The following GRM8 variants were observed in gnomAD, a reference collection of about 807,000 sequenced individuals.
The protein encoded by GRM8 is metabotropic glutamate receptor 8.
Under a neutral mutation model 87.2 loss-of-function variants are expected in GRM8, and 47 were observed. The observed-to-expected ratio is 0.54, with a 90% CI of 0.43 to 0.69. The LOEUF (loss-of-function observed/expected upper bound fraction) is 0.69. GRM8 is among the 30% of genes least tolerant of loss of function. GRM8 has a pLI of 0.00. For synonymous variants in GRM8, 396 were observed against 404.5 expected, an observed-to-expected ratio of 0.98 and a Z score of 0.25; for missense variants, 1,019 against 1,139.2, an observed-to-expected ratio of 0.89 and a Z score of 1.52.
chr7:126,619,087 C>T (rs146554874), intron 7 of GRM8, among the ~76,000 whole-genome samples: 21 of 152,216 alleles, frequency 1.4e-4, no homozygotes, highest in Admixed American at 2.6e-4. Flanking sequence ...ATGTTTATTG[C>T]GGCACTATTC....
intron 2 of GRM8, among the ~76,000 whole-genome samples, chr7:127,162,755 A>G (rs1793197409): frequency 6.6e-6 from 1 of 152,206 alleles, no homozygotes; most frequent in African/African-American, 2.4e-5. Flanking sequence ...TAATTGGAAC[A>G]CAGCAAAGCG....
At chr7:126,599,035 G>C (rs1018852651) in intron 8 of GRM8, among the ~76,000 whole-genome samples, 1 of 152,104 alleles carries the variant, frequency 6.6e-6, no homozygotes, top group Non-Finnish European at 1.5e-5. Flanking sequence ...TGAAGTCCTT[G>C]TGTAAGCAGA....
chr7:127,213,400 T>C (rs1796338936), intron 2 of GRM8, among the ~76,000 whole-genome samples: 1 of 152,202 alleles, frequency 6.6e-6, no homozygotes. Context: ...AATACCTCAA[T>C]AATTTTCATA....
chr7:127,061,673 A>G (rs571231628), intron 3 of GRM8, among the ~76,000 whole-genome samples: 25 of 151,960 alleles, frequency 1.6e-4, no homozygotes, highest in African/African-American at 5.8e-4. Flanking sequence ...ATCTTCCTCT[A>G]CCATCTGGGG....
intron 6 of GRM8, among the ~76,000 whole-genome samples, chr7:126,814,592 A>C (rs1335194829): frequency 2.0e-5 from 3 of 152,042 alleles, no homozygotes; most frequent in Admixed American, 2.0e-4. Flanking sequence ...CAATACATCC[A>C]ACCTAAAACC....
intron 3 of GRM8, among the ~76,000 whole-genome samples, chr7:126,907,672 A>G (rs560604021): frequency 1.3e-5 from 2 of 152,242 alleles, no homozygotes; most frequent in African/African-American, 4.8e-5. Context: ...AAATGTTTCT[A>G]TTTCTTCGAT....
At chr7:126,835,442 G>A (rs1274702384) in intron 6 of GRM8, among the ~76,000 whole-genome samples, 1 of 152,058 alleles carries the variant, frequency 6.6e-6, no homozygotes, top group Non-Finnish European at 1.5e-5. Flanking sequence ...GTAAAGATGG[G>A]ACTCAGGAAA....
chr7:126,859,329 C>T (rs1797959249), intron 6 of GRM8, among the ~76,000 whole-genome samples: 1 of 152,138 alleles, frequency 6.6e-6, no homozygotes, highest in Admixed American at 6.6e-5. Flanking sequence ...ATGTCAGAAG[C>T]CCTTTATCAC....
At chr7:126,673,067 G>T (rs1237192434) in intron 7 of GRM8, among the ~76,000 whole-genome samples, 2 of 152,176 alleles carry the variant, frequency 1.3e-5, no homozygotes, top group Non-Finnish European at 2.9e-5. Context: ...GCCCACTGCG[G>T]TGGAGCCATG....
At chr7:126,453,598 C>T (rs1377118887) in intron 9 of GRM8, among the ~76,000 whole-genome samples, 3 of 151,690 alleles carry the variant, frequency 2.0e-5, no homozygotes, top group South Asian at 2.1e-4. Flanking sequence ...GAAAGAACCA[C>T]GTAAGGAAGC....
At chr7:126,828,827 TTG>T (rs1380206592) in intron 6 of GRM8, among the ~76,000 whole-genome samples, 1 of 152,208 alleles carries the variant, frequency 6.6e-6, no homozygotes, top group Non-Finnish European at 1.5e-5. Flanking sequence ...GTGCTTTCTC[TTG>T]TGGGCATTTA....
At chr7:126,883,292 CAACTGGTAGAAGAAGAAGAAAT>C (rs1800189380) in intron 6 of GRM8, among the ~76,000 whole-genome samples, 1 of 152,124 alleles carries the variant, frequency 6.6e-6, no homozygotes, top group South Asian at 2.1e-4. Flanking sequence ...TTTAACTATG[CAACTGGTAGAAGAAGAAGAAAT>C]AGGCCTTCTT....
At chr7:126,932,323 T>C (rs563486775) in intron 3 of GRM8, among the ~76,000 whole-genome samples, 1 of 152,284 alleles carries the variant, frequency 6.6e-6, no homozygotes, top group African/African-American at 2.4e-5. Flanking sequence ...TTAAGAAAGG[T>C]CAATCAATGA....
chr7:126,920,124 ATCTCTCTCTG>A (rs1804359131), intron 3 of GRM8, among the ~76,000 whole-genome samples: 1 of 152,058 alleles, frequency 6.6e-6, no homozygotes, highest in African/African-American at 2.4e-5. Context: ...GATCAGACTG[ATCTCTCTCTG>A]TCTCTCTCTG....
chr7:126,489,732 G>A (rs1807785066), intron 9 of GRM8, among the ~76,000 whole-genome samples: 1 of 151,962 alleles, frequency 6.6e-6, no homozygotes, highest in Admixed American at 6.6e-5. Context: ...CTAGACTTAA[G>A]GGATGCCCAG....
At chr7:126,636,917 G>A (rs1260591070) in intron 7 of GRM8, among the ~76,000 whole-genome samples, 1 of 151,704 alleles carries the variant, frequency 6.6e-6, no homozygotes, top group Admixed American at 6.6e-5. Flanking sequence ...TTGTTGCATG[G>A]ATTTCTAAAG....
At chr7:126,924,641 T>G (rs1804898509) in intron 3 of GRM8, among the ~76,000 whole-genome samples, 1 of 152,116 alleles carries the variant, frequency 6.6e-6, no homozygotes, top group Non-Finnish European at 1.5e-5. Context: ...CTCCCTTCCT[T>G]CTGATTCTCT....
chr7:126,739,406 GCACACACACACACA>G (rs3222171), intron 7 of GRM8, among the ~76,000 whole-genome samples: 3 of 148,690 alleles, frequency 2.0e-5, no homozygotes, highest in Admixed American at 1.3e-4. Context: ...AATTGTGTTT[GCACACACACACACA>G]CACACACACA....
rs138444544 is a variant in GRM8, at chr7:126,690,543, T to C, written c.1357+79322A>G. Among the ~76,000 whole-genome samples, 378 of 152,238 alleles carry C rather than the reference T, an allele frequency of 2.5e-3. 4 individuals are homozygous for C. Among genetic ancestry groups the C allele is most frequent in the Non-Finnish European group, 4.9e-3 (331 of 67,986 alleles). ...TCACATCCCTGGCTCAGGGAGTTCC[T>C]TGGTCTGGGCTCCCCAAAGGGCCGC... is the stretch of plus-strand genomic sequence containing the variant. On this transcript the variant is annotated intron_variant, in intron 7 of 10. Coordinates refer to ENST00000339582, the MANE Select transcript of GRM8 (RefSeq NM_000845.3).
Sources: gnomAD v4.1 joint callset for allele counts (sites outside exome capture counted in the v4.1 genomes callset) on GRCh38, gnomAD v4.1.1 for gene constraint, MANE v1.5 for transcripts, NCBI Gene and HGNC (gene_info 2026-07-23, HGNC 2026-07-21) for gene names.